ZNF665: variants seen among roughly 807,000 people sequenced by gnomAD.
ZNF665 encodes the protein zinc finger protein 665.
ZNF665 carries 6 observed loss-of-function variants against 7.9 expected under a neutral mutation model. The ratio of observed to expected loss-of-function variants is 0.76; its 90% CI spans 0.42 to 1.50. The LOEUF is 1.50. ZNF665 is among the 40% of genes most tolerant of loss of function. ZNF665 has a pLI of 0.01. For synonymous variants in ZNF665, 242 were observed against 274.5 expected (o/e 0.88, Z 1.17); for missense variants, 819 against 806.7 (o/e 1.02, Z -0.18).
At position 53,164,208 on chromosome 19, in the gene ZNF665, G is replaced by A. The variant is rs572810529; in HGVS notation, c.*245C>T. 3.8e-4 allele frequency: 100 copies of A among 260,376 alleles called. No individual in the cohort carries two copies. Among genetic ancestry groups the A allele is most frequent in the African/African-American group, 2.3e-3 (95 of 42,092 alleles). 16.1% of individuals were successfully genotyped at this position (260,376 alleles called of 1,614,324 possible). On this transcript the variant is annotated 3_prime_UTR_variant, in exon 4 of 4. Transcript: ENST00000396424. ...GGCTGGAGTGCAATGGCATGATCTCGCTCACTGCAACCTCCGCCTCCCAGG... is the reference window on the plus strand; with the variant it reads ...GGCTGGAGTGCAATGGCATGATCTCACTCACTGCAACCTCCGCCTCCCAGG...
intron 2 of ZNF665, chr19:53,179,530 T>TG (rs1191580797): frequency 6.6e-6 from 1 of 151,676 alleles, no homozygotes; most frequent in Admixed American, 6.6e-5. Flanking sequence ...TCCAGAGGGC[T>TG]GACATGTGGA....
At chr19:53,192,997 A>G (rs911980711) in intron 1 of ZNF665, among the ~76,000 whole-genome samples, 3 of 152,050 alleles carry the variant, frequency 2.0e-5, no homozygotes, top group African/African-American at 7.2e-5. Context: ...AGGTTAGGGG[A>G]CGGTAAAATC....
At chr19:53,185,031 T>C (rs1158834765) in intron 1 of ZNF665, among the ~76,000 whole-genome samples, 1 of 152,108 alleles carries the variant, frequency 6.6e-6, no homozygotes, top group Non-Finnish European at 1.5e-5. Flanking sequence ...GAGCCAGGTG[T>C]ACAGGATGGA....
At chr19:53,172,087 G>C in intron 3 of ZNF665, among the ~76,000 whole-genome samples, 1 of 152,144 alleles carries the variant, frequency 6.6e-6, no homozygotes, top group East Asian at 1.9e-4. Flanking sequence ...GTAAATAATA[G>C]AGTAATAATT....
chr19:53,187,203 AC>A (rs767515292), intron 1 of ZNF665, among the ~76,000 whole-genome samples: 1 of 692 alleles, frequency 1.4e-3, no homozygotes, highest in Non-Finnish European at 3.3e-3. Flanking sequence ...CGGGGGGCTG[AC>A]CCCCCCCACC....
chr19:53,175,709 C>A, intron 2 of ZNF665, 138 bp from the exon 3 acceptor site: 1 of 968,652 alleles, frequency 1.0e-6, no homozygotes, highest in Non-Finnish European at 1.5e-6. Flanking sequence ...GATCACGGTA[C>A]ATACAGATTT....
chr19:53,185,517 A>G lies in ZNF665; in HGVS notation c.-45-2574T>C, dbSNP rs970430146. ...TGATTAATGATATTCATATATAATC[A>G]TAACTAAGATCTATATCTGGTATAA... is the stretch of plus-strand genomic sequence containing the variant. On this transcript the variant is annotated intron_variant, in intron 1 of 3. Transcript: ENST00000396424. Among the ~76,000 whole-genome samples, 15 of 152,236 alleles carry G rather than the reference A, an allele frequency of 9.9e-5. No individual in the cohort carries two copies. In the South Asian group the frequency reaches 2.7e-3, roughly 28 times the overall value.
intron 3 of ZNF665, among the ~76,000 whole-genome samples, chr19:53,171,504 G>GTA (rs1555804176): frequency 0.024 from 1,395 of 57,734 alleles, 34 homozygotes; most frequent in African/African-American, 0.037. Context: ...GTGTGTGTGT[G>GTA]TATATATATA....
chr19:53,189,753 G>A (rs1294578743), intron 1 of ZNF665, among the ~76,000 whole-genome samples: 1 of 150,920 alleles, frequency 6.6e-6, no homozygotes, highest in Non-Finnish European at 1.5e-5. Flanking sequence ...GAGGAGTAGA[G>A]TCTTCTCTAA....
In ZNF665 at chr19:53,163,332, C is replaced by A. The variant is rs2090577760; in HGVS notation, c.*1121G>T. ...ACAGGCGTGAGCCACTGTGCCCGGC[C>A]AGTAGAGAATTTCTTCCCATACCCA... On this transcript the variant is annotated 3_prime_UTR_variant, in exon 4 of 4. Transcript: ENST00000396424. 6.6e-6 allele frequency: 1 copy of A among 152,210 alleles called. No individual in the cohort carries two copies. The highest frequency in any genetic ancestry group is 2.4e-5 in the African/African-American group (1 of 41,424). The allele number at this position is 152,210 out of a possible 1,614,324, so 9.4% of individuals were successfully genotyped here.
intron 3 of ZNF665, among the ~76,000 whole-genome samples, chr19:53,172,869 TCC>T (rs1046023938): frequency 1.3e-5 from 2 of 149,362 alleles, no homozygotes; most frequent in African/African-American, 4.9e-5. Flanking sequence ...TATATTGAGA[TCC>T]CTTGGCCATT....
chr19:53,171,320 G>C (rs2090655216), intron 3 of ZNF665, among the ~76,000 whole-genome samples: 1 of 151,590 alleles, frequency 6.6e-6, no homozygotes, highest in African/African-American at 2.4e-5. Context: ...GCAATTTACT[G>C]GAGAGATGAA....
intron 1 of ZNF665, among the ~76,000 whole-genome samples, chr19:53,192,540 T>G (rs777743034): frequency 2.0e-5 from 3 of 152,210 alleles, no homozygotes; most frequent in Admixed American, 6.5e-5. Context: ...TCACCCTTAC[T>G]GTCTCTTTGT....
intron 1 of ZNF665, among the ~76,000 whole-genome samples, chr19:53,193,004 A>C (rs982915305): frequency 1.3e-5 from 2 of 152,100 alleles, no homozygotes; most frequent in African/African-American, 4.8e-5. Context: ...GGGACGGTAA[A>C]ATCCTGCACC....
At position 53,165,229 on chromosome 19, in the gene ZNF665, G is replaced by A. The variant is rs1184573407; in HGVS notation, c.1261C>T (p.Arg421Ter). ...FTQYSHLANH[R>*]RIHTGEKPYR... is the part of the protein sequence containing the mutation. ...GGTTTCTCTCCAGTATGAATTCTTC[G>A]ATGATTTGCTAAGTGTGAATACTGA... The change falls in exon 4 of 4, where the codon CGA (arginine) becomes TGA (stop). Residue 421 changes from arginine (R) to a stop codon, truncating the protein, a stop_gained. Transcript: ENST00000396424. LOFTEE classifies it low-confidence loss of function (END_TRUNC). The A allele has an allele frequency of 7.4e-6, 12 of 1,613,946 alleles. No homozygotes were observed. Among genetic ancestry groups the A allele is most frequent in the African/African-American group, 1.3e-5 (1 of 74,956 alleles).
chr19:53,184,674 G>A (rs2090763345), intron 1 of ZNF665, among the ~76,000 whole-genome samples: 1 of 152,172 alleles, frequency 6.6e-6, no homozygotes, highest in African/African-American at 2.4e-5. Context: ...CGTGTGTGGA[G>A]ACGAGAGAGC....
rs1435112257 is a variant in ZNF665 at position 53,189,625 on chromosome 19, T to C, written c.-46+3687A>G. Reference sequence around the variant, plus strand: ...AGAAGGCAGAGCCAGGTGTACAGGATGGAACATGAAGGCGGACTAGGAGCG... The same window carrying C: ...AGAAGGCAGAGCCAGGTGTACAGGACGGAACATGAAGGCGGACTAGGAGCG... On this transcript the variant is annotated intron_variant, in intron 1 of 3. Coordinates refer to ENST00000396424, the MANE Select transcript of ZNF665 (RefSeq NM_024733.5). 2.0e-5 allele frequency among the ~76,000 whole-genome samples: 3 copies of C among 147,396 alleles called. No individual in the cohort carries two copies. The East Asian group carries it at 5.9e-4, about 29-fold the overall frequency.
chr19:53,171,278 A>G (rs1026749379), intron 3 of ZNF665, among the ~76,000 whole-genome samples: 1 of 151,970 alleles, frequency 6.6e-6, no homozygotes, highest in East Asian at 1.9e-4. Context: ...GAGCCACCGC[A>G]TGCGGCAAGA....
chr19:53,180,326 G>A (rs1001746637), intron 2 of ZNF665, among the ~76,000 whole-genome samples: 3 of 151,892 alleles, frequency 2.0e-5, no homozygotes, highest in East Asian at 3.9e-4. Flanking sequence ...CCAGCTACTC[G>A]GGAGGCTGAG....
Sources: allele counts gnomAD v4.1 joint callset (sites outside exome capture counted in the v4.1 genomes callset), GRCh38; gene constraint gnomAD v4.1.1; transcripts MANE v1.5; gene names NCBI Gene and HGNC (gene_info 2026-07-23, HGNC 2026-07-21).